The following SULT1B1 variants were observed in gnomAD, a reference collection of about 807,000 sequenced individuals.
SULT1B1 encodes the protein sulfotransferase 1B1.
SULT1B1 carries 28 observed loss-of-function variants against 34.6 expected under a neutral mutation model. The observed-to-expected ratio is 0.81, with a 90% CI of 0.60 to 1.11. SULT1B1 has a LOEUF of 1.11. SULT1B1 is among the 50% of genes least tolerant of loss of function. The probability of loss-of-function intolerance (pLI) is 0.00; values close to 1 mark genes in which losing one functional copy is unlikely to be tolerated. For missense variants in SULT1B1, 374 were observed against 352.2 expected, an observed-to-expected ratio of 1.06 and a Z score of -0.50; for synonymous variants, 147 against 110.2, an observed-to-expected ratio of 1.33 and a Z score of -2.09.
chr4:69,727,242 C>T (rs1717875620), intron 7 of SULT1B1, 42 bp from the exon 8 acceptor site: 1 of 1,525,710 alleles, frequency 6.6e-7, no homozygotes, highest in African/African-American at 1.4e-5. Flanking sequence ...TAAAATATTT[C>T]CATAAGAAGA....
chr4:69,727,245 T>C lies in SULT1B1; in HGVS notation c.779-45A>G, dbSNP rs555345629. On this transcript the variant is annotated intron_variant, in intron 7 of 7. Transcript: ENST00000310613. Reference sequence around the variant, plus strand: ...CATAGGAAAGAATAAAATATTTCCATAAGAAGAAATCAGTATATACCAAAG... The same window carrying C: ...CATAGGAAAGAATAAAATATTTCCACAAGAAGAAATCAGTATATACCAAAG... The C allele has an allele frequency of 5.3e-5, 80 of 1,504,776 alleles. 1 individual carries two copies. The South Asian group carries it at 9.6e-4, about 18-fold the overall frequency. The allele number at this position is 1,504,776 out of a possible 1,614,324, so 93.2% of individuals were successfully genotyped here.
intron 1 of SULT1B1, 67 bp downstream of exon 1, chr4:69,760,392 G>A (rs143337056): frequency 2.6e-4 from 48 of 185,538 alleles, no homozygotes; most frequent in African/African-American, 9.5e-4. Context: ...AAATTGTTCT[G>A]AGGCACACAA....
chr4:69,756,222 T>C (rs1719185384), intron 1 of SULT1B1, among the ~76,000 whole-genome samples: 1 of 152,214 alleles, frequency 6.6e-6, no homozygotes, highest in Non-Finnish European at 1.5e-5. Flanking sequence ...TAATTCTATG[T>C]TGTTTTCAAT....
At chr4:69,737,188 A>T (rs1364329305) in intron 4 of SULT1B1, among the ~76,000 whole-genome samples, 1 of 152,228 alleles carries the variant, frequency 6.6e-6, no homozygotes, top group Non-Finnish European at 1.5e-5. Flanking sequence ...AAAGGGAAAT[A>T]GCACAATAGT....
At chr4:69,732,495 T>C (rs1718119965) in intron 6 of SULT1B1, among the ~76,000 whole-genome samples, 1 of 152,110 alleles carries the variant, frequency 6.6e-6, no homozygotes, top group Admixed American at 6.5e-5. Context: ...CCCCTGTTTA[T>C]GTTGTATGCA....
chr4:69,748,351 C>T (rs1004573032), intron 4 of SULT1B1, among the ~76,000 whole-genome samples: 3 of 152,072 alleles, frequency 2.0e-5, no homozygotes, highest in Non-Finnish European at 4.4e-5. Context: ...AAACAGCAAA[C>T]AGCAGAACTT....
intron 1 of SULT1B1, among the ~76,000 whole-genome samples, chr4:69,755,546 AT>A (rs1205539040): frequency 2.6e-5 from 4 of 152,168 alleles, no homozygotes; most frequent in Non-Finnish European, 5.9e-5. Context: ...GGCAAAAACA[AT>A]CTGAACAATC....
At position 69,723,811 on chromosome 4, in the gene SULT1B1, G is replaced by C. The variant is rs993994548; in HGVS notation, c.*3277C>G. 19 of 152,138 alleles carry C rather than the reference G, an allele frequency of 1.2e-4. No individual in the cohort carries two copies. The highest frequency in any genetic ancestry group is 4.3e-4 in the African/African-American group (18 of 41,436). The allele number at this position is 152,138 out of a possible 1,614,324, so 9.4% of individuals were successfully genotyped here. On this transcript the variant is annotated 3_prime_UTR_variant, in exon 8 of 8. Coordinates refer to ENST00000310613, the MANE Select transcript of SULT1B1 (RefSeq NM_014465.4). ...CTCAATAGATGCAGAAAAGGCCTTT[G>C]ACAAAATTCAACAGCCTTCATGCTA...
At chr4:69,733,836 A>C (rs1718184851) in intron 5 of SULT1B1, among the ~76,000 whole-genome samples, 1 of 152,188 alleles carries the variant, frequency 6.6e-6, no homozygotes, top group Non-Finnish European at 1.5e-5. Flanking sequence ...ATGCATTAAC[A>C]GATCTAACTA....
intron 4 of SULT1B1, among the ~76,000 whole-genome samples, chr4:69,742,894 T>A (rs978257287): frequency 9.9e-5 from 15 of 152,146 alleles, no homozygotes; most frequent in African/African-American, 3.6e-4. Context: ...TGGCCTCAGC[T>A]CTCTGCAAGG....
At chr4:69,758,433 C>T in intron 1 of SULT1B1, 1 of 985,284 alleles carries the variant, frequency 1.0e-6, no homozygotes, top group Middle Eastern at 5.2e-4. Context: ...TGAAATAGCT[C>T]TTTCTGAAAC....
At chr4:69,747,951 G>T (rs936661037) in intron 4 of SULT1B1, among the ~76,000 whole-genome samples, 10 of 151,948 alleles carry the variant, frequency 6.6e-5, no homozygotes, top group Non-Finnish European at 1.2e-4. Flanking sequence ...TTTTTTTGGA[G>T]TATGCCAGCC....
At chr4:69,756,157 T>A (rs1719182120) in intron 1 of SULT1B1, among the ~76,000 whole-genome samples, 1 of 152,240 alleles carries the variant, frequency 6.6e-6, no homozygotes, top group African/African-American at 2.4e-5. Flanking sequence ...GTTCTCAACT[T>A]TTTAAGCATA....
At chr4:69,758,333 G>T (rs1719268870) in intron 1 of SULT1B1, 1 of 985,186 alleles carries the variant, frequency 1.0e-6, no homozygotes, top group Non-Finnish European at 1.2e-6. Context: ...TGAGAATAGT[G>T]CCCCTTCTCA....
At chr4:69,747,623 TG>T (rs1457100637) in intron 4 of SULT1B1, among the ~76,000 whole-genome samples, 1 of 152,234 alleles carries the variant, frequency 6.6e-6, no homozygotes, top group African/African-American at 2.4e-5. Context: ...CATGTTCCAC[TG>T]CAGCTATTCC....
intron 5 of SULT1B1, among the ~76,000 whole-genome samples, chr4:69,733,714 G>A (rs1316145735): frequency 2.6e-5 from 4 of 152,014 alleles, no homozygotes; most frequent in Non-Finnish European, 2.9e-5. Flanking sequence ...AAGCATTTCA[G>A]ACAAAAATAC....
At position 69,754,635 on chromosome 4, in the gene SULT1B1, T is replaced by C. The variant is rs747493923; in HGVS notation, c.277+35A>G. The C allele has an allele frequency of 2.5e-6, 4 of 1,600,994 alleles. No homozygotes were observed. The Admixed American group carries it at 5.1e-5, about 20-fold the overall frequency. On this transcript the variant is annotated intron_variant, in intron 3 of 7. Transcript: ENST00000310613. ...TAATGCATATGCTGTCTAAATAATA[T>C]TACAAAATAATAATTCCAAGTGGGT...
rs989463695 is a variant in SULT1B1 at position 69,724,940 on chromosome 4, T to C, written c.*2148A>G. 48 of 151,918 alleles carry C rather than the reference T, an allele frequency of 3.2e-4. No homozygotes were observed. Among genetic ancestry groups the C allele is most frequent in the African/African-American group, 1.1e-3 (44 of 41,432 alleles). 9.4% of individuals were successfully genotyped at this position (151,918 alleles called of 1,614,324 possible). On this transcript the variant is annotated 3_prime_UTR_variant, in exon 8 of 8. Coordinates refer to ENST00000310613, the MANE Select transcript of SULT1B1 (RefSeq NM_014465.4). ...ACCCTAGAAGAAAACCTAGGCAATATCATTCAGGACATAGGCATGGGCAAG... is the reference window on the plus strand; with the variant it reads ...ACCCTAGAAGAAAACCTAGGCAATACCATTCAGGACATAGGCATGGGCAAG...
At chr4:69,733,814 T>C (rs1400519204) in intron 5 of SULT1B1, among the ~76,000 whole-genome samples, 10 of 152,160 alleles carry the variant, frequency 6.6e-5, no homozygotes, top group Non-Finnish European at 1.0e-4. Context: ...CTAAGTACTA[T>C]AAATATGACA....
Sources: allele counts gnomAD v4.1 joint callset (sites outside exome capture counted in the v4.1 genomes callset), GRCh38; gene constraint gnomAD v4.1.1; transcripts MANE v1.5; gene names NCBI Gene and HGNC (gene_info 2026-07-23, HGNC 2026-07-21).